LRRC59: variants seen among roughly 807,000 people sequenced by gnomAD.
LRRC59 encodes the protein leucine-rich repeat-containing protein 59.
LRRC59 carries 18 observed loss-of-function variants against 33.5 expected under a neutral mutation model. That is an observed-to-expected ratio of 0.54 (90% CI 0.37 to 0.80). The LOEUF is 0.80. LRRC59 is among the 30% of genes least tolerant of loss of function. The pLI, the probability that LRRC59 is intolerant of heterozygous loss-of-function variation, is 0.00. For missense variants in LRRC59, 330 were observed against 391.9 expected, an observed-to-expected ratio of 0.84 and a Z score of 1.33; for synonymous variants, 138 against 160.0, an observed-to-expected ratio of 0.86 and a Z score of 1.04.
Position 50,382,766 on chromosome 17 carries a change from C to G in LRRC59, c.*222G>C. ...ACTCCTTTAGGCATGCAGGTAACTGCCCCCCACGCCCCCCCGCCACCTCCC... is the reference window on the plus strand; with the variant it reads ...ACTCCTTTAGGCATGCAGGTAACTGGCCCCCACGCCCCCCCGCCACCTCCC... On this transcript the variant is annotated 3_prime_UTR_variant, in exon 7 of 7. Transcript: ENST00000225972. 62 of 476,586 alleles carry G rather than the reference C, an allele frequency of 1.3e-4. No homozygotes were observed. Among genetic ancestry groups the G allele is most frequent in the Middle Eastern group, 6.1e-4 (1 of 1,642 alleles). 29.5% of individuals were successfully genotyped at this position (476,586 alleles called of 1,614,324 possible).
At position 50,394,708 on chromosome 17, in the gene LRRC59, T is replaced by C. The variant is rs970789116; in HGVS notation, c.165+221A>G. Among the ~76,000 whole-genome samples the C allele has an allele frequency of 4.6e-5, 7 of 152,180 alleles. No homozygotes were observed. In the East Asian group the frequency reaches 1.3e-3, roughly 29 times the overall value. On this transcript the variant is annotated intron_variant, in intron 2 of 6. Transcript: ENST00000225972. ...TTTCTGTGGACTGACTTTACCACTG[T>C]TCTGAAGAATGAGGCCTCCATCTCA...
chr17:50,394,869 A>G, intron 2 of LRRC59, 60 bp downstream of exon 2: 12 of 745,940 alleles, frequency 1.6e-5, no homozygotes, highest in Non-Finnish European at 2.2e-5. Context: ...TCAACCCCCG[A>G]AACAGGAAGG....
In LRRC59 at chr17:50,397,368, G is replaced by A. The variant is rs756233756; in HGVS notation, c.-51C>T. On this transcript the variant is annotated 5_prime_UTR_variant, in exon 1 of 7. Coordinates refer to ENST00000225972, the MANE Select transcript of LRRC59 (RefSeq NM_018509.4). ...GCTCCGGGGTTCCGGCGGGTGAAAGGAGCTGAAATGTCGCTTGTCAGTTCA... is the reference window on the plus strand; with the variant it reads ...GCTCCGGGGTTCCGGCGGGTGAAAGAAGCTGAAATGTCGCTTGTCAGTTCA... 2.1e-6 allele frequency: 3 copies of A among 1,434,714 alleles called. No individual in the cohort carries two copies. Among genetic ancestry groups the A allele is most frequent in the Non-Finnish European group, 1.9e-6 (2 of 1,040,144 alleles). 88.9% of individuals were successfully genotyped at this position (1,434,714 alleles called of 1,614,324 possible). A position where few individuals can be genotyped will look rare whatever the true frequency, so the allele number is the denominator to read the frequency against.
rs1266183425 is a variant in LRRC59 at position 50,382,360 on chromosome 17, C to G, written c.*628G>C. Reference sequence around the variant, plus strand: ...AGTGGGAATCCAGTTTTGCCTCAAACTAGCTGGGAGACTAGGCAAGTCATG... The same window carrying G: ...AGTGGGAATCCAGTTTTGCCTCAAAGTAGCTGGGAGACTAGGCAAGTCATG... On this transcript the variant is annotated 3_prime_UTR_variant, in exon 7 of 7. Coordinates refer to ENST00000225972, the MANE Select transcript of LRRC59 (RefSeq NM_018509.4). 1.3e-5 allele frequency: 2 copies of G among 152,464 alleles called. No individual in the cohort carries two copies. Among genetic ancestry groups the G allele is most frequent in the African/African-American group, 4.8e-5 (2 of 41,440 alleles). 9.4% of individuals were successfully genotyped at this position (152,464 alleles called of 1,614,324 possible).
At chr17:50,389,758 A>C (rs1184369489) in intron 4 of LRRC59, among the ~76,000 whole-genome samples, 1 of 152,168 alleles carries the variant, frequency 6.6e-6, no homozygotes, top group East Asian at 1.9e-4. Flanking sequence ...CACACCCATC[A>C]TAAGAAGTAT....
intron 4 of LRRC59, among the ~76,000 whole-genome samples, 187 bp from the exon 5 acceptor site, chr17:50,388,319 G>A (rs1914059916): frequency 6.6e-6 from 1 of 152,194 alleles, no homozygotes; most frequent in African/African-American, 2.4e-5. Flanking sequence ...TAGAAGGACT[G>A]CTTGAGCCCA....
chr17:50,392,161 C>G (rs1323770387), intron 4 of LRRC59, among the ~76,000 whole-genome samples: 2 of 152,156 alleles, frequency 1.3e-5, no homozygotes, highest in Non-Finnish European at 2.9e-5. Flanking sequence ...GATTGTGCCA[C>G]TTGCACTCCA....
intron 5 of LRRC59, chr17:50,385,999 G>C (rs1368087579): frequency 6.6e-6 from 1 of 152,232 alleles, no homozygotes; most frequent in Non-Finnish European, 1.5e-5. Context: ...GGAGGTTGCA[G>C]TGAACCATGA....
rs1913869582 is a variant in LRRC59, at chr17:50,382,104, A to C, written c.*884T>G. The C allele has an allele frequency of 6.5e-6, 1 of 152,672 alleles. No homozygotes were observed. Among genetic ancestry groups the C allele is most frequent in the African/African-American group, 2.4e-5 (1 of 41,462 alleles). The allele number at this position is 152,672 out of a possible 1,614,324, so 9.5% of individuals were successfully genotyped here. A position where few individuals can be genotyped will look rare whatever the true frequency, so the allele number is the denominator to read the frequency against. On this transcript the variant is annotated 3_prime_UTR_variant, in exon 7 of 7. Coordinates refer to ENST00000225972, the MANE Select transcript of LRRC59 (RefSeq NM_018509.4). ...GGAGTTAATGCTCTAAAATTAGGCA[A>C]GGAGCCTGGACTGTTGCCATTTTAT...
At chr17:50,392,979 T>C in intron 2 of LRRC59, 82 bp from the exon 3 acceptor site, 1 of 1,347,896 alleles carries the variant, frequency 7.4e-7, no homozygotes, top group Non-Finnish European at 1.0e-6. Context: ...AATACAAATT[T>C]GTAACCTTTC....
rs781182557 is a variant in LRRC59 at position 50,397,296 on chromosome 17, C to T, written c.22G>A (p.Gly8Ser). 1.2e-6 allele frequency: 2 copies of T among 1,609,306 alleles called. No individual in the cohort carries two copies. Among genetic ancestry groups the T allele is most frequent in the East Asian group, 4.5e-5 (2 of 44,164 alleles). ...TCCAGCTTGTCGCGGAGGTTCCCGCCCTTGCTACCGGCCTTGGTCATGGTA... is the reference window on the plus strand; with the variant it reads ...TCCAGCTTGTCGCGGAGGTTCCCGCTCTTGCTACCGGCCTTGGTCATGGTA... MTKAGSK[G>S]GNLRDKLDGN... Residue 8 changes from glycine to serine, a missense_variant, in exon 1 of 7, where the codon GGC becomes AGC. Gly to Ser is a moderately conservative substitution (Grantham distance 56). Coordinates refer to ENST00000225972, the MANE Select transcript of LRRC59 (RefSeq NM_018509.4).
At chr17:50,395,024 A>C (rs1914238111) in intron 1 of LRRC59, 36 bp from the exon 2 acceptor site, 1 of 1,407,558 alleles carries the variant, frequency 7.1e-7, no homozygotes, top group African/African-American at 1.4e-5. Context: ...ATGTCAGACC[A>C]ACATCTGGAA....
At chr17:50,387,916 A>G in intron 5 of LRRC59, 144 bp downstream of exon 5, 1 of 775,230 alleles carries the variant, frequency 1.3e-6, no homozygotes, top group Non-Finnish European at 2.2e-6. Context: ...GATAAAGACG[A>G]TACCATCCAC....
chr17:50,390,746 A>G (rs889282222), intron 4 of LRRC59, among the ~76,000 whole-genome samples: 1 of 152,226 alleles, frequency 6.6e-6, no homozygotes, highest in Non-Finnish European at 1.5e-5. Context: ...AGTAAGACCT[A>G]AACTAATTCC....
intron 4 of LRRC59, among the ~76,000 whole-genome samples, chr17:50,390,696 C>T (rs1400807567): frequency 6.6e-6 from 1 of 152,116 alleles, no homozygotes; most frequent in Non-Finnish European, 1.5e-5. Context: ...AAGACTAACC[C>T]ATATACCCAC....
chr17:50,392,966 C>G, intron 2 of LRRC59, 69 bp from the exon 3 acceptor site: 1 of 1,438,122 alleles, frequency 7.0e-7, no homozygotes, highest in Non-Finnish European at 9.6e-7. Context: ...TTAAATGTGG[C>G]CCAATACAAA....
chr17:50,393,058 CTCT>C (rs1429028608), intron 2 of LRRC59, among the ~76,000 whole-genome samples, 161 bp from the exon 3 acceptor site: 2 of 152,236 alleles, frequency 1.3e-5, no homozygotes, highest in East Asian at 1.9e-4. Context: ...CCCAAGACAA[CTCT>C]TCTTCTTCCA....
At chr17:50,392,021 A>T (rs868458904) in intron 4 of LRRC59, among the ~76,000 whole-genome samples, 32 of 152,286 alleles carry the variant, frequency 2.1e-4, no homozygotes, top group Middle Eastern at 3.4e-3. Flanking sequence ...CAACGTGGCG[A>T]AACACCATCT....
chr17:50,385,822 G>C (rs1482507509), intron 5 of LRRC59, among the ~76,000 whole-genome samples: 1 of 152,192 alleles, frequency 6.6e-6, no homozygotes, highest in Non-Finnish European at 1.5e-5. Context: ...GACTTTGGGA[G>C]GTGAAGCTGG....
Sources: gnomAD v4.1 joint callset for allele counts (sites outside exome capture counted in the v4.1 genomes callset) on GRCh38, gnomAD v4.1.1 for gene constraint, MANE v1.5 for transcripts, NCBI Gene and HGNC (gene_info 2026-07-23, HGNC 2026-07-21) for gene names.